Variants in NPRL3 observed in about 807,000 individuals in gnomAD.
NPRL3 encodes NPR3 like, GATOR1 complex subunit, also known as GATOR1 complex protein NPRL3.
In NPRL3, 23 loss-of-function variants were observed where a neutral mutation model predicts 57.2. That is an observed-to-expected ratio of 0.40 (90% CI 0.29 to 0.57). The LOEUF is 0.57. Ranked by LOEUF, NPRL3 falls within the 20% of genes least tolerant of loss-of-function variation. NPRL3 has a pLI of 0.42. For missense variants in NPRL3, 691 were observed against 767.1 expected, an observed-to-expected ratio of 0.90 and a Z score of 1.17; for synonymous variants, 333 against 321.1, an observed-to-expected ratio of 1.04 and a Z score of -0.39.
At chr16:100,994 A>AAAAAAAAAAAAAAAG (rs1899276041) in intron 7 of NPRL3, among the ~76,000 whole-genome samples, 5 of 145,802 alleles carry the variant, frequency 3.4e-5, no homozygotes, top group African/African-American at 1.3e-4. Flanking sequence ...AAAAAAAGGA[A>AAAAAAAAAAAAAAAG]GAAGAAGAAG....
At chr16:113,871 A>G (rs757244961) in intron 5 of NPRL3, among the ~76,000 whole-genome samples, 2 of 152,208 alleles carry the variant, frequency 1.3e-5, no homozygotes, top group Non-Finnish European at 2.9e-5. Context: ...ATCAGATCCC[A>G]TGTTCACAAA....
At chr16:96,389 G>C (rs912767439) in intron 9 of NPRL3, among the ~76,000 whole-genome samples, 25 of 152,140 alleles carry the variant, frequency 1.6e-4, no homozygotes, top group Non-Finnish European at 4.4e-5. Context: ...TCAGGACACG[G>C]AGGGTCACTG....
At position 100,506 on chromosome 16, in the gene NPRL3, C is replaced by T; in HGVS notation, c.633G>A (p.Leu211=). ...GAAGCCGAACTACGCCCGACGTGCA[C>T]AGGCTGCAGAGAGTGGGCGCTGTTA... ...ARDLKEAYDS[L]CTSGVVRLHI... is the part of the protein sequence containing the mutation. Residue 211 remains leucine (L), a synonymous_variant, in exon 8 of 14, where the codon CTG becomes CTA. Coordinates refer to ENST00000611875, the MANE Select transcript of NPRL3 (RefSeq NM_001077350.3). 1 of 1,573,840 alleles carries T rather than the reference C, an allele frequency of 6.4e-7. No individual in the cohort carries two copies. Among genetic ancestry groups the T allele is most frequent in the Non-Finnish European group, 8.6e-7 (1 of 1,163,268 alleles).
chr16:136,584 C>T (rs1443006151), intron 2 of NPRL3, among the ~76,000 whole-genome samples: 1 of 150,744 alleles, frequency 6.6e-6, no homozygotes, highest in Non-Finnish European at 1.5e-5. Context: ...CCCAGCTACT[C>T]GGGAGGCTGA....
chr16:105,983 A>G (rs1899509333), intron 7 of NPRL3, among the ~76,000 whole-genome samples: 1 of 152,214 alleles, frequency 6.6e-6, no homozygotes, highest in Non-Finnish European at 1.5e-5. Context: ...CCACCAGGCT[A>G]TTCAGCCACA....
intron 4 of NPRL3, among the ~76,000 whole-genome samples, chr16:118,086 T>A (rs531139903): frequency 6.6e-6 from 1 of 152,110 alleles, no homozygotes. Flanking sequence ...GAGGCTGTGA[T>A]GAGAAGGGAG....
chr16:92,842 G>C, intron 10 of NPRL3, 117 bp from the exon 11 acceptor site: 1 of 1,368,962 alleles, frequency 7.3e-7, no homozygotes. Flanking sequence ...ACAGTGCGAT[G>C]AGGGCAGAAC....
At chr16:101,167 C>T (rs1249067427) in intron 7 of NPRL3, among the ~76,000 whole-genome samples, 1 of 152,144 alleles carries the variant, frequency 6.6e-6, no homozygotes, top group Admixed American at 6.6e-5. Context: ...ACCCAACACC[C>T]AGAGTACATC....
Position 112,730 on chromosome 16 carries a change from G to A in NPRL3, c.439C>T (p.Arg147Cys), listed in dbSNP as rs202129021. 1.3e-4 allele frequency: 214 copies of A among 1,612,232 alleles called. No homozygotes were observed. Among genetic ancestry groups the A allele is most frequent in the East Asian group, 2.9e-4 (13 of 44,846 alleles). Residue 147 changes from arginine to cysteine, a missense_variant, in exon 6 of 14, where the codon CGT becomes TGT. By Grantham distance (180) the Arg-to-Cys change is radical (BLOSUM62 -3). Transcript: ENST00000611875. ...TGCTGCAGCACGGTGGCGATACGAC[G>A]GGACAGGTTATGCAGACAGTTTATC... The part of the protein sequence containing the change: ...SVINCLHNLS[R>C]RIATVLQHEE...
At chr16:98,111 C>T in intron 9 of NPRL3, 34 bp downstream of exon 9, 3 of 1,602,492 alleles carry the variant, frequency 1.9e-6, no homozygotes, top group Non-Finnish European at 2.6e-6. Context: ...CCAGCACCGC[C>T]ACATGCCACC....
chr16:103,443 G>C (rs1204632636), intron 7 of NPRL3, among the ~76,000 whole-genome samples: 1 of 150,928 alleles, frequency 6.6e-6, no homozygotes, highest in African/African-American at 2.4e-5. Flanking sequence ...ACCCACCCAA[G>C]GCCTTTCTGT....
intron 3 of NPRL3, among the ~76,000 whole-genome samples, chr16:125,557 GA>G (rs912063632): frequency 5.9e-5 from 9 of 152,192 alleles, no homozygotes; most frequent in Non-Finnish European, 1.2e-4. Flanking sequence ...GATCTGGGAG[GA>G]AGAGGTGAAG....
At chr16:119,044 AC>A (rs1900170433) in intron 4 of NPRL3, 81 bp downstream of exon 4, 2 of 1,568,466 alleles carry the variant, frequency 1.3e-6, no homozygotes, top group Admixed American at 1.8e-5. Context: ...GGAGAGCCAC[AC>A]CTGCCCAAGG....
chr16:100,885 C>G (rs577470170), intron 7 of NPRL3, among the ~76,000 whole-genome samples: 1 of 143,560 alleles, frequency 7.0e-6, no homozygotes, highest in Non-Finnish European at 1.5e-5. Flanking sequence ...GCAGGAGAAT[C>G]ACTTGAACCC....
intron 5 of NPRL3, among the ~76,000 whole-genome samples, chr16:115,809 A>G (rs948248817): frequency 3.3e-5 from 5 of 152,146 alleles, no homozygotes; most frequent in African/African-American, 1.2e-4. Context: ...CCTGTCCGTA[A>G]TCAATCTATA....
At chr16:90,747 T>G (rs1227792408) in intron 11 of NPRL3, 1 of 152,148 alleles carries the variant, frequency 6.6e-6, no homozygotes, top group East Asian at 1.9e-4. Flanking sequence ...GCTGGGGAAC[T>G]GGGGATGGGA....
Position 85,808 on chromosome 16 carries a change from AT to A in NPRL3, c.*896del, listed in dbSNP as rs751388589. On this transcript the variant is annotated 3_prime_UTR_variant, in exon 14 of 14. Transcript: ENST00000611875. The stretch of plus-strand genomic sequence containing the variant: ...GGGCCTGCCCAGACAAGATTTTTTA[AT>A]TGTTTAAAAACCGAATAAATGTTTT... 1 of 1,457,300 alleles carries A rather than the reference AT, an allele frequency of 6.9e-7. No homozygotes were observed. Among genetic ancestry groups the A allele is most frequent in the African/African-American group, 1.4e-5 (1 of 70,410 alleles). The allele number at this position is 1,457,300 out of a possible 1,614,324, so 90.3% of individuals were successfully genotyped here.
chr16:125,565 G>A (rs1220674286), intron 3 of NPRL3, among the ~76,000 whole-genome samples: 1 of 152,202 alleles, frequency 6.6e-6, no homozygotes, highest in Non-Finnish European at 1.5e-5. Flanking sequence ...AGGAAGAGGT[G>A]AAGGCAACTC....
Position 98,226 on chromosome 16 carries a change from G to A in NPRL3, c.843C>T (p.Ala281=), listed in dbSNP as rs778603279. 27 of 1,613,838 alleles carry A rather than the reference G, an allele frequency of 1.7e-5. No homozygotes were observed. Among genetic ancestry groups the A allele is most frequent in the Non-Finnish European group, 2.3e-5 (27 of 1,179,876 alleles). The change falls in exon 9 of 14, where the codon GCC becomes GCT. Residue 281 remains alanine, a synonymous_variant. Coordinates refer to ENST00000611875, the MANE Select transcript of NPRL3 (RefSeq NM_001077350.3). Reference sequence around the variant, plus strand: ...ATGTGGTCTTGATCACCCGCACTAGGGCAGGGGAGCAGTCAATAGGAAGCT... The same window carrying A: ...ATGTGGTCTTGATCACCCGCACTAGAGCAGGGGAGCAGTCAATAGGAAGCT... The part of the protein sequence containing the change: ...LGELPIDCSP[A]LVRVIKTTSA...
Sources: gnomAD v4.1 joint callset for allele counts (sites outside exome capture counted in the v4.1 genomes callset) on GRCh38, gnomAD v4.1.1 for gene constraint, MANE v1.5 for transcripts, NCBI Gene and HGNC (gene_info 2026-07-23, HGNC 2026-07-21) for gene names.